The following NRIP1 variants were observed in gnomAD, a reference collection of about 807,000 sequenced individuals.
NRIP1 encodes nuclear receptor interacting protein 1, also known as nuclear receptor-interacting protein 1.
A neutral mutation model predicts 75.0 loss-of-function variants in NRIP1; 28 were observed. The ratio of observed to expected loss-of-function variants is 0.37; its 90% CI spans 0.28 to 0.51. The LOEUF (loss-of-function observed/expected upper bound fraction) is 0.51. NRIP1 is among the 20% of genes least tolerant of loss of function. The pLI, the probability that NRIP1 is intolerant of heterozygous loss-of-function variation, is 0.92. For missense variants in NRIP1, 1,435 were observed against 1,343.7 expected (o/e 1.07, Z -1.06); for synonymous variants, 526 against 487.6 (o/e 1.08, Z -1.04).
At chr21:15,052,411 T>C (rs1054740648) in intron 1 of NRIP1, 1 of 152,212 alleles carries the variant, frequency 6.6e-6, no homozygotes, top group Non-Finnish European at 1.5e-5. Flanking sequence ...TGAGAAGTAA[T>C]GATTCCTTTC....
chr21:15,055,762 C>T (rs1430798126), intron 1 of NRIP1, among the ~76,000 whole-genome samples: 1 of 152,098 alleles, frequency 6.6e-6, no homozygotes, highest in African/African-American at 2.4e-5. Flanking sequence ...TAGGTCTACC[C>T]AACTGCTAGC....
At chr21:15,035,746 C>T (rs756184961) in intron 2 of NRIP1, among the ~76,000 whole-genome samples, 2 of 151,742 alleles carry the variant, frequency 1.3e-5, no homozygotes, top group Non-Finnish European at 2.9e-5. Flanking sequence ...TTAGTAGGGA[C>T]GAGGTTTCAC....
intron 2 of NRIP1, among the ~76,000 whole-genome samples, chr21:15,037,307 G>A (rs1043279899): frequency 6.6e-6 from 1 of 152,098 alleles, no homozygotes; most frequent in Admixed American, 6.5e-5. Context: ...AGTAACTTGC[G>A]TAATATAACA....
intron 2 of NRIP1, among the ~76,000 whole-genome samples, chr21:15,036,412 T>C (rs990299938): frequency 6.6e-6 from 1 of 152,252 alleles, no homozygotes; most frequent in Non-Finnish European, 1.5e-5. Flanking sequence ...AGCATTTAAA[T>C]ACATAAAACC....
chr21:15,011,474 C>T (rs1304181447), intron 3 of NRIP1, among the ~76,000 whole-genome samples: 4 of 152,118 alleles, frequency 2.6e-5, no homozygotes, highest in Non-Finnish European at 5.9e-5. Flanking sequence ...CAAGCGTGAG[C>T]CACCACGCCC....
chr21:14,978,522 G>C (rs1367929269), intron 3 of NRIP1, among the ~76,000 whole-genome samples: 1 of 152,056 alleles, frequency 6.6e-6, no homozygotes, highest in East Asian at 1.9e-4. Flanking sequence ...TATTCAAATT[G>C]GAACTTTTGC....
intron 3 of NRIP1, among the ~76,000 whole-genome samples, chr21:14,999,295 G>C (rs2087799848): frequency 6.6e-6 from 1 of 152,024 alleles, no homozygotes; most frequent in African/African-American, 2.4e-5. Flanking sequence ...TTTATGTAAA[G>C]TTTTCTTCTC....
chr21:15,052,010 A>G (rs1239880986), intron 1 of NRIP1: 3 of 152,202 alleles, frequency 2.0e-5, no homozygotes, highest in Non-Finnish European at 4.4e-5. Flanking sequence ...TACAAGTTCA[A>G]TTATGTTAAG....
chr21:14,963,331 T>C lies in NRIP1; in HGVS notation c.*1385A>G, dbSNP rs1046775681. 1 of 152,508 alleles carries C rather than the reference T, an allele frequency of 6.6e-6. No homozygotes were observed. Among genetic ancestry groups the C allele is most frequent in the Non-Finnish European group, 1.5e-5 (1 of 67,956 alleles). 9.4% of individuals were successfully genotyped at this position (152,508 alleles called of 1,614,324 possible). A position where few individuals can be genotyped will look rare whatever the true frequency, so the allele number is the denominator to read the frequency against. On this transcript the variant is annotated 3_prime_UTR_variant, in exon 4 of 4. Transcript: ENST00000318948. ...ATCACCTGAGTTTGGTAAGTGGCCC[T>C]GTTTTTCCATCCCTAAGGCTAACTA...
chr21:15,022,931 CAT>C (rs1306041619), intron 2 of NRIP1, among the ~76,000 whole-genome samples: 2 of 152,344 alleles, frequency 1.3e-5, no homozygotes, highest in East Asian at 3.9e-4. Context: ...CATGCTACAA[CAT>C]AGTCAAACTT....
chr21:15,004,738 C>G lies in NRIP1; in HGVS notation c.-335+9606G>C, dbSNP rs372281228. On this transcript the variant is annotated intron_variant, in intron 3 of 3. Transcript: ENST00000318948. ...TTTCCATAGAAAAAAGATGGTCTTCCTACATCAGTTCTTTGAAAGTTGAGA... is the reference window on the plus strand; with the variant it reads ...TTTCCATAGAAAAAAGATGGTCTTCGTACATCAGTTCTTTGAAAGTTGAGA... 2.0e-5 allele frequency among the ~76,000 whole-genome samples: 3 copies of G among 152,210 alleles called. No homozygotes were observed. In the East Asian group the frequency reaches 5.8e-4, roughly 29 times the overall value.
chr21:15,050,794 G>A (rs755055800), intron 1 of NRIP1: 3 of 456,036 alleles, frequency 6.6e-6, no homozygotes, highest in South Asian at 4.6e-5. Context: ...AGGACTCAGC[G>A]TGCCTTTCAC....
At chr21:14,987,216 C>G (rs1222802109) in intron 3 of NRIP1, among the ~76,000 whole-genome samples, 1 of 152,166 alleles carries the variant, frequency 6.6e-6, no homozygotes, top group African/African-American at 2.4e-5. Context: ...CATTATTAAA[C>G]GTGCAAAAGC....
chr21:15,045,219 T>G (rs1272002690), intron 1 of NRIP1, among the ~76,000 whole-genome samples: 1 of 152,142 alleles, frequency 6.6e-6, no homozygotes, highest in African/African-American at 2.4e-5. Context: ...AGTGTCGCTG[T>G]CTGACGTCCT....
chr21:14,966,456 G>A lies in NRIP1; in HGVS notation c.1737C>T (p.Ser579=), dbSNP rs2146930340. The stretch of plus-strand genomic sequence containing the variant: ...ACTGAGTACTGCAGACATATGGTGG[G>A]GAATTCCATTTGATGACCAGAGAGT... The part of the protein sequence containing the change: ...SQHSLVIKWN[S]PPYVCSTQSE... Residue 579 remains serine (S), a synonymous_variant, in exon 4 of 4, where the codon TCC becomes TCT. Transcript: ENST00000318948. 1.9e-6 allele frequency: 3 copies of A among 1,614,052 alleles called. No individual in the cohort carries two copies. Among genetic ancestry groups the A allele is most frequent in the Admixed American group, 1.7e-5 (1 of 60,008 alleles).
At chr21:14,997,210 T>C (rs1024425256) in intron 3 of NRIP1, among the ~76,000 whole-genome samples, 1 of 152,196 alleles carries the variant, frequency 6.6e-6, no homozygotes, top group Non-Finnish European at 1.5e-5. Context: ...TGAAGAAAGA[T>C]AAAGGTTTAG....
chr21:14,976,785 C>T lies in NRIP1; in HGVS notation c.-334-8259G>A, dbSNP rs185100440. Among the ~76,000 whole-genome samples, 175 of 152,244 alleles carry T rather than the reference C, an allele frequency of 1.1e-3. 1 individual carries two copies. The highest frequency in any genetic ancestry group is 3.5e-4 in the Non-Finnish European group (24 of 67,990). ...GTTGAGAATAGAGAAATAATGACAA[C>T]GGTCTTTCTCCAGCTGTTTTTAAGG... On this transcript the variant is annotated intron_variant, in intron 3 of 3. Transcript: ENST00000318948.
intron 1 of NRIP1, among the ~76,000 whole-genome samples, chr21:15,058,708 C>T (rs945441977): frequency 6.6e-6 from 1 of 152,132 alleles, no homozygotes; most frequent in African/African-American, 2.4e-5. Context: ...AACGATTCCC[C>T]ATCTTACTAA....
intron 3 of NRIP1, among the ~76,000 whole-genome samples, chr21:14,982,708 GTT>G (rs200186916): frequency 2.3e-5 from 2 of 85,674 alleles, no homozygotes; most frequent in African/African-American, 7.5e-5. Flanking sequence ...GTTTTTTTTT[GTT>G]TTTTTTTTGT....
Sources: gnomAD v4.1 joint callset for allele counts (sites outside exome capture counted in the v4.1 genomes callset) on GRCh38, gnomAD v4.1.1 for gene constraint, MANE v1.5 for transcripts, NCBI Gene and HGNC (gene_info 2026-07-23, HGNC 2026-07-21) for gene names.